The following ARFGEF2 variants were observed in gnomAD, a reference collection of about 807,000 sequenced individuals.
The protein encoded by ARFGEF2 is brefeldin A-inhibited guanine nucleotide-exchange protein 2.
ARFGEF2 carries 74 observed loss-of-function variants against 219.9 expected under a neutral mutation model. The observed-to-expected ratio is 0.34, with a 90% CI of 0.28 to 0.41. The LOEUF is 0.41. Ranked by LOEUF, ARFGEF2 falls within the 10% of genes least tolerant of loss-of-function variation. ARFGEF2 has a pLI of 1.00. For missense variants in ARFGEF2, 1,743 were observed against 2,218.3 expected, an observed-to-expected ratio of 0.79 and a Z score of 4.30; for synonymous variants, 733 against 799.2, an observed-to-expected ratio of 0.92 and a Z score of 1.40.
chr20:48,998,473 A>C lies in ARFGEF2; in HGVS notation c.3400A>C (p.Ile1134Leu). 6.2e-7 allele frequency: 1 copy of C among 1,614,132 alleles called. No homozygotes were observed. Among genetic ancestry groups the C allele is most frequent in the Non-Finnish European group, 8.5e-7 (1 of 1,180,032 alleles). ...TCGGATCCGACTACAGTGGTCTCGAATATGGCATGTGATTGGAGATCACTT... is the reference window on the plus strand; with the variant it reads ...TCGGATCCGACTACAGTGGTCTCGACTATGGCATGTGATTGGAGATCACTT... ...MNRIRLQWSR[I>L]WHVIGDHFNK... The change falls in exon 25 of 39, where the codon ATA (isoleucine) becomes CTA (leucine). Residue 1134 changes from isoleucine (I) to leucine (L), a missense_variant. This residue lies in a region of ARFGEF2 where 102 missense variants were observed against 146.8 expected (regional missense o/e 0.69). Transcript: ENST00000371917.
At chr20:48,943,149 A>G (rs1049117472) in intron 3 of ARFGEF2, among the ~76,000 whole-genome samples, 10 of 152,180 alleles carry the variant, frequency 6.6e-5, no homozygotes, top group African/African-American at 2.4e-4. Context: ...CTAAAAAGAT[A>G]CTTGTTTTCA....
chr20:49,019,004 G>A lies in ARFGEF2; in HGVS notation c.4624+6G>A, dbSNP rs768990826. ...GAAGGGTAGACCATACGCAAGTAAGGCCACTTTTTAATTTGTTTTAAATAA... is the reference window on the plus strand; with the variant it reads ...GAAGGGTAGACCATACGCAAGTAAGACCACTTTTTAATTTGTTTTAAATAA... On this transcript the variant is annotated splice_donor_region_variant and intron_variant, in intron 34 of 38. Transcript: ENST00000371917. 6.2e-7 allele frequency: 1 copy of A among 1,608,496 alleles called. No homozygotes were observed. The highest frequency in any genetic ancestry group is 1.7e-5 in the Admixed American group (1 of 59,894).
At position 48,957,915 on chromosome 20, in the gene ARFGEF2, A is replaced by C. The variant is rs147497380; in HGVS notation, c.838+4125A>C. 2.4e-3 allele frequency among the ~76,000 whole-genome samples: 365 copies of C among 152,320 alleles called. 2 individuals carry two copies. The highest frequency in any genetic ancestry group is 8.0e-3 in the African/African-American group (331 of 41,576). On this transcript the variant is annotated intron_variant, in intron 6 of 38. Transcript: ENST00000371917. ...TTAAGGAATATGAGTTATATACTCTATCCCTCCAAAAAACGTTGCTCTTGA... is the reference window on the plus strand; with the variant it reads ...TTAAGGAATATGAGTTATATACTCTCTCCCTCCAAAAAACGTTGCTCTTGA...
intron 3 of ARFGEF2, among the ~76,000 whole-genome samples, chr20:48,947,578 T>C (rs1165967469): frequency 1.3e-5 from 2 of 148,940 alleles, no homozygotes; most frequent in African/African-American, 4.9e-5. Flanking sequence ...AGTATATATA[T>C]GGCCAGGCGC....
chr20:49,024,326 T>C (rs938380342), intron 35 of ARFGEF2, among the ~76,000 whole-genome samples: 3 of 152,156 alleles, frequency 2.0e-5, no homozygotes, highest in African/African-American at 7.2e-5. Context: ...AGTTGGACAG[T>C]TATCCTACAC....
At chr20:48,924,090 T>G (rs557819232) in intron 1 of ARFGEF2, among the ~76,000 whole-genome samples, 1 of 152,328 alleles carries the variant, frequency 6.6e-6, no homozygotes, top group South Asian at 2.1e-4. Context: ...AGAGAATAAT[T>G]GTGTGTCATT....
At chr20:48,930,274 G>C (rs964375144) in intron 1 of ARFGEF2, among the ~76,000 whole-genome samples, 1 of 152,164 alleles carries the variant, frequency 6.6e-6, no homozygotes, top group Non-Finnish European at 1.5e-5. Flanking sequence ...TGAGGGCAGA[G>C]CCCTCGTGAC....
intron 21 of ARFGEF2, among the ~76,000 whole-genome samples, chr20:48,991,888 C>G (rs1285876126): frequency 6.6e-6 from 1 of 152,170 alleles, no homozygotes; most frequent in Admixed American, 6.5e-5. Flanking sequence ...GTACACAATA[C>G]TACCTAAGAA....
chr20:48,933,268 G>A lies in ARFGEF2; in HGVS notation c.122-7931G>A, dbSNP rs115174272. Among the ~76,000 whole-genome samples, 557 of 152,282 alleles carry A rather than the reference G, an allele frequency of 3.7e-3. 3 individuals are homozygous for A. Among genetic ancestry groups the A allele is most frequent in the African/African-American group, 0.013 (533 of 41,554 alleles). On this transcript the variant is annotated intron_variant, in intron 1 of 38. Transcript: ENST00000371917. ...TAAAGTGGAGCAGGTATGCTGTGCCGTATGCCCCTCTTCCTGCACCGTCCT... is the reference window on the plus strand; with the variant it reads ...TAAAGTGGAGCAGGTATGCTGTGCCATATGCCCCTCTTCCTGCACCGTCCT...
chr20:48,932,599 G>A (rs1213451332), intron 1 of ARFGEF2, among the ~76,000 whole-genome samples: 1 of 152,180 alleles, frequency 6.6e-6, no homozygotes, highest in East Asian at 1.9e-4. Flanking sequence ...GCTATTGATT[G>A]CGTGTCATCT....
intron 9 of ARFGEF2, among the ~76,000 whole-genome samples, chr20:48,970,734 G>A (rs2091221748): frequency 6.6e-6 from 1 of 152,228 alleles, no homozygotes; most frequent in Non-Finnish European, 1.5e-5. Flanking sequence ...AGGGCTGTGA[G>A]GTAGGTGGAT....
In ARFGEF2 at chr20:48,963,816, G is replaced by A; in HGVS notation, c.839-14G>A. 2 of 1,613,082 alleles carry A rather than the reference G, an allele frequency of 1.2e-6. No homozygotes were observed. ...ATGCCCACGTGTGTTTTGTATATTTGGATGTGTGTGTAGGGACTGATGACG... is the reference window on the plus strand; with the variant it reads ...ATGCCCACGTGTGTTTTGTATATTTAGATGTGTGTGTAGGGACTGATGACG... On this transcript the variant is annotated splice_polypyrimidine_tract_variant and intron_variant, in intron 6 of 38. Transcript: ENST00000371917.
At chr20:49,008,733 T>C (rs1233705412) in intron 26 of ARFGEF2, among the ~76,000 whole-genome samples, 2 of 142,270 alleles carry the variant, frequency 1.4e-5, no homozygotes, top group Non-Finnish European at 3.0e-5. Flanking sequence ...TTTTTTGAGA[T>C]GTCTTGCCCT....
At chr20:48,932,799 A>G (rs537101594) in intron 1 of ARFGEF2, among the ~76,000 whole-genome samples, 1 of 152,260 alleles carries the variant, frequency 6.6e-6, no homozygotes, top group South Asian at 2.1e-4. Flanking sequence ...AGTCAGTGTG[A>G]CCAGCCTCAC....
rs1375537095 is a variant in ARFGEF2, at chr20:48,985,538, G to A, written c.2201G>A (p.Arg734His). 3.7e-6 allele frequency: 6 copies of A among 1,614,044 alleles called. No individual in the cohort carries two copies. Among genetic ancestry groups the A allele is most frequent in the African/African-American group, 1.3e-5 (1 of 74,890 alleles). Residue 734 changes from arginine (R) to histidine (H), a missense_variant, in exon 16 of 39, where the codon CGC becomes CAC. This residue lies in a region of ARFGEF2 where 666 missense variants were observed against 955.4 expected (regional missense o/e 0.70). Coordinates refer to ENST00000371917, the MANE Select transcript of ARFGEF2 (RefSeq NM_006420.3). ...SALRTFLEGFRLPGEAQKIDR... is the reference protein window; with the variant it reads ...SALRTFLEGFHLPGEAQKIDR... ...CTGCGGACATTCCTAGAAGGTTTCC[G>A]CCTACCTGGAGAAGCCCAAAAGATT...
intron 16 of ARFGEF2, among the ~76,000 whole-genome samples, chr20:48,986,808 TC>T (rs1217563366): frequency 6.6e-6 from 1 of 152,132 alleles, no homozygotes; most frequent in Non-Finnish European, 1.5e-5. Context: ...CAATCAGTCC[TC>T]CCACCTCAGC....
At chr20:49,026,208 A>G (rs1429580809) in intron 36 of ARFGEF2, among the ~76,000 whole-genome samples, 5 of 152,030 alleles carry the variant, frequency 3.3e-5, no homozygotes, top group African/African-American at 7.2e-5. Context: ...TGGGCATTGT[A>G]GCACACACCA....
chr20:48,953,175 T>C (rs1022488742), intron 5 of ARFGEF2, among the ~76,000 whole-genome samples: 8 of 151,118 alleles, frequency 5.3e-5, no homozygotes, highest in African/African-American at 1.7e-4. Context: ...TTTTTTTTTT[T>C]CTTTTTTCTT....
rs1210583633 is a variant in ARFGEF2 at position 49,027,876 on chromosome 20, CCATTCCT to C, written c.4925-653_4925-647del. ...GGCTCAGTGGCTCATGTCTGTAATC[CCATTCCT>C]TTGGAAAGCTAAGACAGGAGGATTG... On this transcript the variant is annotated intron_variant, in intron 36 of 38. Coordinates refer to ENST00000371917, the MANE Select transcript of ARFGEF2 (RefSeq NM_006420.3). Among the ~76,000 whole-genome samples the C allele has an allele frequency of 3.3e-5, 5 of 152,162 alleles. No homozygotes were observed. In the South Asian group the frequency reaches 6.2e-4, roughly 19 times the overall value.
Sources: gnomAD v4.1 joint callset for allele counts (sites outside exome capture counted in the v4.1 genomes callset) on GRCh38, gnomAD v4.1.1 for gene constraint, gnomAD v4.1.1 regional missense constraint, MANE v1.5 for transcripts, NCBI Gene and HGNC (gene_info 2026-07-23, HGNC 2026-07-21) for gene names.